CTNNA3: variants seen among roughly 807,000 people sequenced by gnomAD.
CTNNA3 encodes catenin alpha 3.
CTNNA3 carries 76 observed loss-of-function variants against 95.7 expected under a neutral mutation model. The observed-to-expected ratio is 0.79, with a 90% CI of 0.66 to 0.96. The LOEUF (loss-of-function observed/expected upper bound fraction) is 0.96. Among genes scored for constraint, CTNNA3 ranks in the 40% least tolerant of loss-of-function variants. The pLI, the probability that CTNNA3 is intolerant of heterozygous loss-of-function variation, is 0.00. For synonymous variants in CTNNA3, 431 were observed against 374.4 expected (o/e 1.15, Z -1.74); for missense variants, 1,191 against 1,089.8 (o/e 1.09, Z -1.31).
chr10:66,380,642 T>TA (rs2092831389), intron 11 of CTNNA3, among the ~76,000 whole-genome samples: 1 of 147,152 alleles, frequency 6.8e-6, no homozygotes, highest in African/African-American at 2.5e-5. Context: ...TATATATATA[T>TA]TAAATTAATT....
rs114206574 is a variant in CTNNA3 at position 67,118,873 on chromosome 10, G to T, written c.1047+61444C>A. ...ATTAATAAGAATCAGAACTGTTTATGTAGAAATATATAATAACATTTTTAA... is the reference window on the plus strand; with the variant it reads ...ATTAATAAGAATCAGAACTGTTTATTTAGAAATATATAATAACATTTTTAA... On this transcript the variant is annotated intron_variant, in intron 7 of 17. Transcript: ENST00000433211. Among the ~76,000 whole-genome samples, 785 of 151,942 alleles carry T rather than the reference G, an allele frequency of 5.2e-3. 6 individuals are homozygous for T. Among genetic ancestry groups the T allele is most frequent in the African/African-American group, 0.018 (733 of 41,494 alleles).
intron 3 of CTNNA3, among the ~76,000 whole-genome samples, chr10:67,544,804 C>G (rs1344218683): frequency 6.6e-6 from 1 of 152,112 alleles, no homozygotes; most frequent in African/African-American, 2.4e-5. Flanking sequence ...GAAGAATTAG[C>G]CTTAGACTGA....
chr10:66,811,948 T>C (rs1408900966), intron 7 of CTNNA3, among the ~76,000 whole-genome samples: 2 of 152,204 alleles, frequency 1.3e-5, no homozygotes, highest in African/African-American at 2.4e-5. Flanking sequence ...GTTTCATTCA[T>C]GAGTATGTTC....
intron 11 of CTNNA3, among the ~76,000 whole-genome samples, chr10:66,383,854 T>A (rs1443381180): frequency 6.6e-6 from 1 of 152,122 alleles, no homozygotes; most frequent in Non-Finnish European, 1.5e-5. Context: ...CTAAGCTTCA[T>A]AAGTGAAGGA....
chr10:66,339,609 C>T (rs539936874), intron 12 of CTNNA3, among the ~76,000 whole-genome samples: 2 of 151,778 alleles, frequency 1.3e-5, no homozygotes, highest in African/African-American at 2.4e-5. Context: ...TCCTAACCCC[C>T]AAATTCCTTT....
At chr10:66,126,373 T>C (rs569455034) in intron 13 of CTNNA3, among the ~76,000 whole-genome samples, 1 of 152,318 alleles carries the variant, frequency 6.6e-6, no homozygotes, top group East Asian at 1.9e-4. Flanking sequence ...TAAATTCATG[T>C]TTAGCTAAAT....
intron 5 of CTNNA3, among the ~76,000 whole-genome samples, chr10:67,422,824 C>T (rs778510917): frequency 9.2e-5 from 14 of 152,106 alleles, no homozygotes; most frequent in African/African-American, 1.2e-4. Flanking sequence ...CTCTTTTCTT[C>T]ATAAGTTACC....
At chr10:66,514,211 T>A (rs1040631126) in intron 11 of CTNNA3, among the ~76,000 whole-genome samples, 1 of 152,110 alleles carries the variant, frequency 6.6e-6, no homozygotes, top group Admixed American at 6.6e-5. Flanking sequence ...ATCTGGAAAA[T>A]TAATGTAGAC....
chr10:67,041,506 CT>C (rs758888762), intron 7 of CTNNA3, among the ~76,000 whole-genome samples: 7 of 152,112 alleles, frequency 4.6e-5, no homozygotes, highest in Non-Finnish European at 1.0e-4. Flanking sequence ...TTCCAGTCCT[CT>C]TTTTCTCCTT....
chr10:67,456,196 T>C (rs1191337478), intron 5 of CTNNA3, among the ~76,000 whole-genome samples: 2 of 152,126 alleles, frequency 1.3e-5, no homozygotes, highest in Non-Finnish European at 2.9e-5. Context: ...AGCTAATAAG[T>C]GTAATAATAC....
chr10:66,206,645 C>T (rs1186394954), intron 13 of CTNNA3, among the ~76,000 whole-genome samples: 2 of 151,666 alleles, frequency 1.3e-5, no homozygotes, highest in African/African-American at 4.8e-5. Flanking sequence ...ACATATATAA[C>T]CCATATATTA....
At chr10:67,435,291 G>A (rs544838782) in intron 5 of CTNNA3, among the ~76,000 whole-genome samples, 53 of 151,878 alleles carry the variant, frequency 3.5e-4, no homozygotes, top group Middle Eastern at 3.4e-3. Flanking sequence ...CCATACATCC[G>A]CTTTCACATT....
rs569916474 is a variant in CTNNA3, at chr10:67,066,433, C to T, written c.1047+113884G>A. 1.5e-3 allele frequency among the ~76,000 whole-genome samples: 230 copies of T among 151,698 alleles called. 1 individual carries two copies. The highest frequency in any genetic ancestry group is 5.3e-3 in the African/African-American group (220 of 41,290). ...ATCTCGATCTCTTGACCTCGTGATC[C>T]GCCTGCCTTGGCCTCCCAAAGTGCT... On this transcript the variant is annotated intron_variant, in intron 7 of 17. Transcript: ENST00000433211.
intron 5 of CTNNA3, among the ~76,000 whole-genome samples, chr10:67,274,746 T>C (rs952674858): frequency 1.1e-4 from 16 of 152,182 alleles, no homozygotes; most frequent in African/African-American, 3.9e-4. Context: ...GAGGATTCCT[T>C]GAGCCCAGGA....
chr10:67,215,837 C>T (rs1228902475), intron 6 of CTNNA3, among the ~76,000 whole-genome samples: 1 of 152,138 alleles, frequency 6.6e-6, no homozygotes, highest in Admixed American at 6.5e-5. Flanking sequence ...CTTCAGTTCA[C>T]AGTCTTTCAA....
intron 5 of CTNNA3, among the ~76,000 whole-genome samples, chr10:67,487,320 C>T (rs1439807442): frequency 1.3e-5 from 2 of 152,028 alleles, no homozygotes; most frequent in Admixed American, 1.3e-4. Flanking sequence ...TGCCAAGGCT[C>T]CTGATCATCC....
intron 7 of CTNNA3, among the ~76,000 whole-genome samples, chr10:66,800,978 C>CA (rs1037348631): frequency 1.2e-4 from 18 of 150,332 alleles, no homozygotes; most frequent in African/African-American, 3.9e-4. Flanking sequence ...TTTTCACATA[C>CA]AAAAAAAAAT....
At chr10:66,176,866 GC>G (rs2085738165) in intron 13 of CTNNA3, among the ~76,000 whole-genome samples, 4 of 151,798 alleles carry the variant, frequency 2.6e-5, no homozygotes, top group Admixed American at 2.6e-4. Flanking sequence ...ACAGACTAAG[GC>G]AGAGGCTTAC....
intron 12 of CTNNA3, among the ~76,000 whole-genome samples, chr10:66,353,819 G>A (rs1438293360): frequency 6.6e-6 from 1 of 151,886 alleles, no homozygotes; most frequent in Non-Finnish European, 1.5e-5. Flanking sequence ...GATAAATCTA[G>A]GGAGATGAAA....
Sources: allele counts gnomAD v4.1 joint callset (sites outside exome capture counted in the v4.1 genomes callset), GRCh38; gene constraint gnomAD v4.1.1; transcripts MANE v1.5; gene names NCBI Gene and HGNC (gene_info 2026-07-23, HGNC 2026-07-21).